The following MIS18A variants were observed in gnomAD, a reference collection of about 807,000 sequenced individuals.
The protein encoded by MIS18A is MIS18 kinetochore protein A, also known as protein Mis18-alpha.
MIS18A carries 14 observed loss-of-function variants against 25.0 expected under a neutral mutation model. The ratio of observed to expected loss-of-function variants is 0.56; its 90% confidence interval spans 0.37 to 0.88. MIS18A has a LOEUF of 0.88. Ranked by LOEUF, MIS18A falls within the 40% of genes least tolerant of loss-of-function variation. MIS18A has a pLI of 0.00. For missense variants in MIS18A, 292 were observed against 290.8 expected (o/e 1.00, Z -0.03); for synonymous variants, 134 against 118.6 (o/e 1.13, Z -0.84).
chr21:32,156,945 T>A, the MIS18A span, among the ~76,000 whole-genome samples: 1 of 152,260 alleles, frequency 6.6e-6, no homozygotes, highest in African/African-American at 2.4e-5. Flanking sequence ...ATCTAGGTAC[T>A]TCACTTGGTA....
the MIS18A span, among the ~76,000 whole-genome samples, chr21:32,207,486 T>C: frequency 6.6e-6 from 1 of 152,224 alleles, no homozygotes; most frequent in Non-Finnish European, 1.5e-5. Context: ...GTACTGCACC[T>C]CAGGTACTGC....
chr21:32,172,299 C>CA, the MIS18A span, among the ~76,000 whole-genome samples: 1 of 151,958 alleles, frequency 6.6e-6, no homozygotes, highest in African/African-American at 2.4e-5. Context: ...GGCATATACC[C>CA]AAAGGAAACA....
chr21:32,176,082 G>C, the MIS18A span, among the ~76,000 whole-genome samples: 102 of 152,058 alleles, frequency 6.7e-4, no homozygotes, highest in Non-Finnish European at 1.2e-3. Context: ...GCTGTCTTCT[G>C]GAATACCTCC....
intron 1 of MIS18A, among the ~76,000 whole-genome samples, chr21:32,277,274 G>C (rs572740712): frequency 3.9e-5 from 6 of 152,244 alleles, no homozygotes; most frequent in Admixed American, 1.3e-4. Flanking sequence ...AACAAAAACA[G>C]TCTTTCTATA....
the MIS18A span, among the ~76,000 whole-genome samples, chr21:32,159,087 G>A: frequency 4.6e-5 from 7 of 152,000 alleles, no homozygotes; most frequent in Non-Finnish European, 8.8e-5. Flanking sequence ...CTTAAATAAG[G>A]TTTGAATTGG....
At chr21:32,185,040 C>T in the MIS18A span, among the ~76,000 whole-genome samples, 1 of 152,154 alleles carries the variant, frequency 6.6e-6, no homozygotes, top group Non-Finnish European at 1.5e-5. Flanking sequence ...TAAAGCATTT[C>T]CCAGAATTTT....
At chr21:32,171,137 C>T in the MIS18A span, among the ~76,000 whole-genome samples, 2 of 151,910 alleles carry the variant, frequency 1.3e-5, no homozygotes, top group Admixed American at 6.6e-5. Flanking sequence ...TTAGGTAGTG[C>T]CATTAGGCAA....
At chr21:32,202,953 T>C in the MIS18A span, among the ~76,000 whole-genome samples, 1 of 152,356 alleles carries the variant, frequency 6.6e-6, no homozygotes, top group South Asian at 2.1e-4. Flanking sequence ...ATACAAATAT[T>C]TCTTTAAGAC....
chr21:32,163,628 G>T, the MIS18A span, among the ~76,000 whole-genome samples: 1 of 152,160 alleles, frequency 6.6e-6, no homozygotes. Flanking sequence ...GTGACTTGAG[G>T]AATTGATATC....
At chr21:32,217,882 G>A in the MIS18A span, among the ~76,000 whole-genome samples, 1 of 152,060 alleles carries the variant, frequency 6.6e-6, no homozygotes, top group East Asian at 1.9e-4. Context: ...AAACATGAAG[G>A]TGAAATTAAG....
the MIS18A span, among the ~76,000 whole-genome samples, chr21:32,220,567 C>T: frequency 6.6e-6 from 1 of 152,120 alleles, no homozygotes; most frequent in African/African-American, 2.4e-5. Flanking sequence ...CAGAATACTT[C>T]TTCTCCTCCA....
chr21:32,200,094 C>T, the MIS18A span, among the ~76,000 whole-genome samples: 1 of 152,214 alleles, frequency 6.6e-6, no homozygotes, highest in Non-Finnish European at 1.5e-5. Flanking sequence ...TGTAAAGGTC[C>T]AGACAATAAA....
the MIS18A span, among the ~76,000 whole-genome samples, chr21:32,235,633 A>G: frequency 6.6e-6 from 1 of 152,208 alleles, no homozygotes; most frequent in African/African-American, 2.4e-5. Flanking sequence ...AAAAAAGGAA[A>G]CATCAACAAA....
the MIS18A span, among the ~76,000 whole-genome samples, chr21:32,241,589 T>C: frequency 6.6e-6 from 1 of 152,204 alleles, no homozygotes; most frequent in Admixed American, 6.5e-5. Flanking sequence ...GTTGCCTGTC[T>C]GCTAGACCAG....
At chr21:32,223,650 CA>C in the MIS18A span, among the ~76,000 whole-genome samples, 1 of 151,996 alleles carries the variant, frequency 6.6e-6, no homozygotes, top group Admixed American at 6.6e-5. Flanking sequence ...GCTTACCAAC[CA>C]AAAAAAGGCC....
Position 32,269,817 on chromosome 21 carries a change from C to T in MIS18A, c.525-14G>A. ...CCTAAAACATAACTGAAGTACGGTA[C>T]AAGGTTAAAATACAAGCTGGGTGTG... is the stretch of plus-strand genomic sequence containing the variant. On this transcript the variant is annotated splice_polypyrimidine_tract_variant and intron_variant, in intron 3 of 4. Coordinates refer to ENST00000290130, the MANE Select transcript of MIS18A (RefSeq NM_018944.3). 6.7e-7 allele frequency: 1 copy of T among 1,501,270 alleles called. No homozygotes were observed. The highest frequency in any genetic ancestry group is 9.3e-7 in the Non-Finnish European group (1 of 1,077,822). The allele number at this position is 1,501,270 out of a possible 1,614,324, so 93.0% of individuals were successfully genotyped here.
chr21:32,258,023 G>C, the MIS18A span, among the ~76,000 whole-genome samples: 2 of 152,152 alleles, frequency 1.3e-5, no homozygotes, highest in Admixed American at 1.3e-4. Context: ...AATACAGATA[G>C]AGGGTTCCTG....
chr21:32,182,011 G>A, the MIS18A span, among the ~76,000 whole-genome samples: 1 of 152,198 alleles, frequency 6.6e-6, no homozygotes, highest in African/African-American at 2.4e-5. Flanking sequence ...GATAATAACA[G>A]TAAAATGCTT....
the MIS18A span, among the ~76,000 whole-genome samples, chr21:32,162,943 A>C: frequency 2.0e-5 from 3 of 152,220 alleles, no homozygotes; most frequent in African/African-American, 7.2e-5. Context: ...CTTAGAGTGA[A>C]GAATTGGCTT....
Sources: gnomAD v4.1 joint callset for allele counts (sites outside exome capture counted in the v4.1 genomes callset) on GRCh38, gnomAD v4.1.1 for gene constraint, MANE v1.5 for transcripts, NCBI Gene and HGNC (gene_info 2026-07-23, HGNC 2026-07-21) for gene names.